GLOD4: variants seen among roughly 807,000 people sequenced by gnomAD.
GLOD4 encodes the protein glyoxalase domain-containing protein 4.
GLOD4 carries 44 observed loss-of-function variants against 39.1 expected under a neutral mutation model. The ratio of observed to expected loss-of-function variants is 1.13; its 90% CI spans 0.88 to 1.45. The LOEUF (loss-of-function observed/expected upper bound fraction) is 1.45. GLOD4 is among the 40% of genes most tolerant of loss of function. The probability of loss-of-function intolerance (pLI) is 0.00; values close to 1 mark genes in which losing one functional copy is unlikely to be tolerated. For synonymous variants in GLOD4, 145 were observed against 135.0 expected (o/e 1.07, Z -0.52); for missense variants, 405 against 366.4 (o/e 1.11, Z -0.86).
At chr17:780,884 G>A (rs374309726) in intron 1 of GLOD4, 4 of 146,256 alleles carry the variant, frequency 2.7e-5, no homozygotes, top group African/African-American at 1.0e-4. Context: ...TTACCGATAT[G>A]TTAAATACTA....
Position 775,813 on chromosome 17 carries a change from T to C in GLOD4, c.368A>G (p.Tyr123Cys), listed in dbSNP as rs1319836718. 6.2e-7 allele frequency: 1 copy of C among 1,614,026 alleles called. No individual in the cohort carries two copies. Among genetic ancestry groups the C allele is most frequent in the Non-Finnish European group, 8.5e-7 (1 of 1,179,888 alleles). Residue 123 changes from tyrosine (Y) to cysteine (C), a missense_variant, in exon 4 of 9, where the codon TAT becomes TGT. Physicochemically the swap from Tyr to Cys is radical, Grantham distance 194 (BLOSUM62 -2). Coordinates refer to ENST00000301329, the MANE Select transcript of GLOD4 (RefSeq NM_016080.4). ...GVFETEAPGGYKFYLQNRSLP... is the reference protein window; with the variant it reads ...GVFETEAPGGCKFYLQNRSLP... ...ACTGCGATTCTGCAAATAGAACTTA[T>C]ATCCTCCCGGGGCCTCGGTTTCAAA... is the stretch of plus-strand genomic sequence containing the variant.
At chr17:781,210 C>A (rs146843154) in intron 1 of GLOD4, among the ~76,000 whole-genome samples, 1 of 152,162 alleles carries the variant, frequency 6.6e-6, no homozygotes, top group Non-Finnish European at 1.5e-5. Context: ...CGTGGGCCAC[C>A]GCGCCGGCAC....
At chr17:774,801 G>A (rs181192618) in intron 4 of GLOD4, among the ~76,000 whole-genome samples, 68 of 152,318 alleles carry the variant, frequency 4.5e-4, no homozygotes, top group African/African-American at 1.6e-3. Flanking sequence ...GGGCACGGTG[G>A]TTCACGCCTG....
upstream of GLOD4, chr17:782,478 C>T: frequency 6.2e-7 from 1 of 1,613,718 alleles, no homozygotes; most frequent in Non-Finnish European, 8.5e-7. Context: ...CCGGGCGCTG[C>T]GGCGGAGCCC....
At chr17:763,305 C>T (rs1013439376) in intron 8 of GLOD4, among the ~76,000 whole-genome samples, 5 of 151,864 alleles carry the variant, frequency 3.3e-5, no homozygotes, top group Non-Finnish European at 7.4e-5. Context: ...GTCAAGAGTT[C>T]GAGACCAGCC....
chr17:775,843 C>A lies in GLOD4; in HGVS notation c.338G>T (p.Gly113Val). 6.2e-7 allele frequency: 1 copy of A among 1,613,848 alleles called. No individual in the cohort carries two copies. Among genetic ancestry groups the A allele is most frequent in the Non-Finnish European group, 8.5e-7 (1 of 1,179,708 alleles). Residue 113 changes from glycine (G) to valine (V), a missense_variant, in exon 4 of 9, where the codon GGT (glycine) becomes GTT (valine). Transcript: ENST00000301329. Reference protein sequence around the residue: ...LEWPLTEVAEGVFETEAPGGY... With the variant: ...LEWPLTEVAEVVFETEAPGGY... ...TCCCGGGGCCTCGGTTTCAAAAACA[C>A]CTTCTGCAACTTCCGTCAGTGGCCA...
rs559819728 is a variant in GLOD4 at position 780,139 on chromosome 17, G to A, written c.91-1395C>T. Among the ~76,000 whole-genome samples, 161 of 151,962 alleles carry A rather than the reference G, an allele frequency of 1.1e-3. 1 individual carries two copies. Among genetic ancestry groups the A allele is most frequent in the Non-Finnish European group, 2.0e-3 (135 of 67,982 alleles). On this transcript the variant is annotated intron_variant, in intron 1 of 8. Transcript: ENST00000301329. ...AGATTGCGCCACTGCACTCCAGCCTGGGCGAAAGAGCGAGACTCCGTCTCA... is the reference window on the plus strand; with the variant it reads ...AGATTGCGCCACTGCACTCCAGCCTAGGCGAAAGAGCGAGACTCCGTCTCA...
At chr17:775,625 T>C (rs1177804974) in intron 4 of GLOD4, 150 bp downstream of exon 4, 2 of 635,518 alleles carry the variant, frequency 3.1e-6, no homozygotes, top group East Asian at 5.3e-5. Flanking sequence ...GATATGAGAA[T>C]GTAGTCTCTC....
chr17:770,338 A>C (rs1171022616), intron 6 of GLOD4, 83 bp downstream of exon 6: 2 of 810,030 alleles, frequency 2.5e-6, no homozygotes, highest in African/African-American at 1.7e-5. Context: ...ATCAAAAAGG[A>C]CCTCAAGAAG....
Position 771,455 on chromosome 17 carries a change from A to T in GLOD4, c.413T>A (p.Val138Glu). 1.3e-6 allele frequency: 2 copies of T among 1,562,772 alleles called. No individual in the cohort carries two copies. Among genetic ancestry groups the T allele is most frequent in the Non-Finnish European group, 8.7e-7 (1 of 1,145,206 alleles). ...QNRSLPQSDP[V>E]LKVTLAVSDL... Reference sequence around the variant, plus strand: ...AGACACTGCTAGAGTTACTTTTAATACAGGATCTGTTGGGTAATAAAGCAG... The same window carrying T: ...AGACACTGCTAGAGTTACTTTTAATTCAGGATCTGTTGGGTAATAAAGCAG... Residue 138 changes from valine to glutamate, a missense_variant, in exon 5 of 9, where the codon GTA becomes GAA. Coordinates refer to ENST00000301329, the MANE Select transcript of GLOD4 (RefSeq NM_016080.4).
chr17:772,261 G>A (rs1475242578), intron 4 of GLOD4, among the ~76,000 whole-genome samples: 1 of 149,798 alleles, frequency 6.7e-6, no homozygotes, highest in Non-Finnish European at 1.5e-5. Flanking sequence ...TAAGAAGACT[G>A]GCTAATCATT....
intron 8 of GLOD4, among the ~76,000 whole-genome samples, chr17:768,904 G>A (rs1302326793): frequency 3.3e-5 from 5 of 150,672 alleles, no homozygotes; most frequent in African/African-American, 9.8e-5. Flanking sequence ...GAGAAACAGC[G>A]CGCACTCAGA....
At chr17:775,664 A>T in intron 4 of GLOD4, 111 bp downstream of exon 4, 2 of 831,236 alleles carry the variant, frequency 2.4e-6, no homozygotes, top group Non-Finnish European at 3.9e-6. Context: ...CTGGCTGGGG[A>T]AGACACGTCA....
At chr17:783,400 G>A (rs1311228857), upstream of GLOD4, 3 of 1,438,130 alleles carry the variant, frequency 2.1e-6, no homozygotes, top group East Asian at 2.5e-5. Context: ...GCAATGGCGC[G>A]ATCTCGGCCC....
chr17:775,707 C>A (rs1908793027), intron 4 of GLOD4, 68 bp downstream of exon 4: 5 of 1,312,730 alleles, frequency 3.8e-6, no homozygotes, highest in South Asian at 2.5e-5. Context: ...AAAAGACAGG[C>A]AGCCCTCACT....
rs1358991965 is a variant in GLOD4, at chr17:779,322, A to T, written c.91-578T>A. 2.6e-4 allele frequency among the ~76,000 whole-genome samples: 7 copies of T among 27,176 alleles called. No homozygotes were observed. The East Asian group carries it at 0.015, about 57-fold the overall frequency. The allele number at this position is 27,176 out of a possible 152,430, so 17.8% of individuals were successfully genotyped here. ...AGAGCAAAATTCCATCTCAAATTAA[A>T]AAAAAAAAAAAAAAAAAAAAAAAAA... On this transcript the variant is annotated intron_variant, in intron 1 of 8. Transcript: ENST00000301329.
chr17:771,360 T>C lies in GLOD4; in HGVS notation c.508A>G (p.Lys170Glu). The C allele has an allele frequency of 6.2e-7, 1 of 1,604,430 alleles. No homozygotes were observed. The highest frequency in any genetic ancestry group is 1.1e-5 in the South Asian group (1 of 89,850). ...GMKIYEKDEE[K>E]QRALLGYADN... is the part of the protein sequence containing the mutation. ...GCATAGCCCAGCAAAGCCCTTTGCT[T>C]TTCTTCATCTTTTTCATAAATTTTC... The change falls in exon 5 of 9, where the codon AAG becomes GAG. Residue 170 changes from lysine (K) to glutamate (E), a missense_variant. Physicochemically the swap from Lys to Glu is moderately conservative, Grantham distance 56. Transcript: ENST00000301329.
At chr17:767,495 A>C (rs1906800197) in intron 8 of GLOD4, among the ~76,000 whole-genome samples, 1 of 150,732 alleles carries the variant, frequency 6.6e-6, no homozygotes, top group Non-Finnish European at 1.5e-5. Context: ...TCTGGAGAGG[A>C]CGTAAGAGGG....
At chr17:768,851 C>G (rs1030049430) in intron 8 of GLOD4, among the ~76,000 whole-genome samples, 2 of 147,950 alleles carry the variant, frequency 1.4e-5, no homozygotes. Context: ...AGAAACAGCG[C>G]GCACTCAGAT....
Sources: allele counts gnomAD v4.1 joint callset (sites outside exome capture counted in the v4.1 genomes callset), GRCh38; gene constraint gnomAD v4.1.1; transcripts MANE v1.5; gene names NCBI Gene and HGNC (gene_info 2026-07-23, HGNC 2026-07-21).